NLRP7: variants seen among roughly 807,000 people sequenced by gnomAD.
The protein encoded by NLRP7 is NLR family pyrin domain containing 7.
NLRP7 carries 72 observed loss-of-function variants against 85.5 expected under a neutral mutation model. That is an observed-to-expected ratio of 0.84 (90% CI 0.70 to 1.02). The LOEUF is 1.02. Ranked by LOEUF, NLRP7 falls within the 50% of genes least tolerant of loss-of-function variation. NLRP7 has a pLI of 0.00. For missense variants in NLRP7, 1,243 were observed against 1,219.5 expected, an observed-to-expected ratio of 1.02 and a Z score of -0.29; for synonymous variants, 550 against 505.2, an observed-to-expected ratio of 1.09 and a Z score of -1.19.
exon 4 of NLRP7, chr19:54,939,128 G>C (rs1304822443): frequency 6.2e-7 from 1 of 1,614,216 alleles, no homozygotes; most frequent in East Asian, 2.2e-5. Flanking sequence ...GTCGGTCACG[G>C]ATAAGGGCTT....
At chr19:54,941,789 T>A (rs886809127) in intron 1 of NLRP7, 39 bp from the exon 2 acceptor site, 5 of 1,462,438 alleles carry the variant, frequency 3.4e-6, no homozygotes, top group Non-Finnish European at 4.6e-6. Flanking sequence ...CGAGTTACCA[T>A]CATTAAATGA....
rs914706251 is a variant in NLRP7, at chr19:54,934,118, T to G, written c.2471+371A>C. ...ACCACACCTGGATAATTTTTTGTATTTTTTAGTAGAGACGGGGTTTCACCA... is the reference window on the plus strand; with the variant it reads ...ACCACACCTGGATAATTTTTTGTATGTTTTAGTAGAGACGGGGTTTCACCA... On this transcript the variant is annotated intron_variant, in intron 7 of 9. Transcript: ENST00000340844. The surrounding 1 kb of genome is among the most constrained non-coding windows in gnomAD (Gnocchi z 6.7). Among the ~76,000 whole-genome samples, 1 of 152,132 alleles carries G rather than the reference T, an allele frequency of 6.6e-6. No individual in the cohort carries two copies. The highest frequency in any genetic ancestry group is 1.5e-5 in the Non-Finnish European group (1 of 68,014).
chr19:54,934,707 C>A lies in NLRP7; in HGVS notation c.2301-48G>T, dbSNP rs372523668. 5 of 1,484,040 alleles carry A rather than the reference C, an allele frequency of 3.4e-6. No individual in the cohort carries two copies. Among genetic ancestry groups the A allele is most frequent in the African/African-American group, 1.4e-5 (1 of 70,544 alleles). 91.9% of individuals were successfully genotyped at this position (1,484,040 alleles called of 1,614,324 possible). On this transcript the variant is annotated intron_variant, in intron 6 of 9. Transcript: ENST00000340844. The surrounding 1 kb of genome is among the most constrained non-coding windows in gnomAD (Gnocchi z 6.7). ...CATTCTTCTGGGAGGACAGAGTATA[C>A]CCTATCAGCTTTTTTTTTTTGAGAC...
chr19:54,953,556 G>T (rs922236909), intron 1 of NLRP7, among the ~76,000 whole-genome samples: 2 of 149,134 alleles, frequency 1.3e-5, no homozygotes, highest in Non-Finnish European at 2.9e-5. Context: ...TTCCTGGGCC[G>T]CGGGGCTGTC....
intron 7 of NLRP7, among the ~76,000 whole-genome samples, chr19:54,933,946 A>G (rs1011998780): frequency 5.9e-5 from 9 of 152,106 alleles, no homozygotes; most frequent in African/African-American, 2.2e-4. Flanking sequence ...ATCACAGGAC[A>G]CAGGTGTTGT....
chr19:54,962,680 A>G lies in NLRP7; in HGVS notation c.-77+3360T>C, dbSNP rs1027376502. On this transcript the variant is annotated intron_variant, in intron 1 of 2. Transcript: ENST00000587103. ...AGTGGCGCGATCTCAGCTCACTGCA[A>G]GCTCCGCCTCCCGGGTTCACGCCAT... is the stretch of plus-strand genomic sequence containing the variant. Among the ~76,000 whole-genome samples the G allele has an allele frequency of 3.3e-5, 5 of 151,040 alleles. 1 individual carries two copies.
chr19:54,953,729 G>A (rs1205498457), intron 1 of NLRP7, among the ~76,000 whole-genome samples: 1 of 151,962 alleles, frequency 6.6e-6, no homozygotes, highest in Non-Finnish European at 1.5e-5. Flanking sequence ...CAGGCCGGGC[G>A]CGGTGGCTCA....
At chr19:54,956,557 G>A (rs1020013571) in intron 1 of NLRP7, among the ~76,000 whole-genome samples, 3 of 151,674 alleles carry the variant, frequency 2.0e-5, no homozygotes, top group East Asian at 2.0e-4. Flanking sequence ...AGCTGGGCGC[G>A]GTGGCAGGTG....
At chr19:54,963,105 T>G (rs969806944) in intron 1 of NLRP7, among the ~76,000 whole-genome samples, 7 of 151,804 alleles carry the variant, frequency 4.6e-5, no homozygotes, top group Admixed American at 2.0e-4. Context: ...ACTTAATAAG[T>G]AAACACAGGG....
At chr19:54,942,442 G>A (rs1028203976) in intron 1 of NLRP7, among the ~76,000 whole-genome samples, 2 of 151,200 alleles carry the variant, frequency 1.3e-5, no homozygotes, top group Middle Eastern at 3.2e-3. Context: ...CAGCAAACAC[G>A]GCAGGGCGCG....
At chr19:54,943,828 ATTC>A (rs35256292) in intron 1 of NLRP7, among the ~76,000 whole-genome samples, 3,940 of 152,170 alleles carry the variant, frequency 0.026, 81 homozygotes, top group East Asian at 0.087. Flanking sequence ...ACTAAGAAAA[ATTC>A]TTCTGCCTTG....
intron 1 of NLRP7, among the ~76,000 whole-genome samples, chr19:54,957,937 C>T (rs1484267784): frequency 2.0e-5 from 3 of 151,914 alleles, no homozygotes; most frequent in East Asian, 3.9e-4. Context: ...GGGAGGGGGC[C>T]GGGCACGGTG....
chr19:54,937,601 A>G (rs2146206757), intron 5 of NLRP7, among the ~76,000 whole-genome samples: 1 of 152,026 alleles, frequency 6.6e-6, no homozygotes, highest in East Asian at 1.9e-4. Flanking sequence ...CAGAAAAAAT[A>G]AAAAATAAAA....
chr19:54,924,881 G>C (rs1288863937), intron 9 of NLRP7, among the ~76,000 whole-genome samples: 1 of 152,150 alleles, frequency 6.6e-6, no homozygotes, highest in East Asian at 1.9e-4. Flanking sequence ...ATGTTGCAGT[G>C]AGCCAATACC....
At position 54,941,013 on chromosome 19, in the gene NLRP7, A is replaced by G; in HGVS notation, c.278-8T>C. On this transcript the variant is annotated splice_polypyrimidine_tract_variant and splice_region_variant and intron_variant, in intron 2 of 9. Coordinates refer to ENST00000340844, the Ensembl canonical transcript of NLRP7. ...CTTGCACCTGTCCGTCCTCTGTAAA[A>G]TACTTAGATGTAAGCCTGACACAGT... 1 of 1,585,860 alleles carries G rather than the reference A, an allele frequency of 6.3e-7. No individual in the cohort carries two copies. Among genetic ancestry groups the G allele is most frequent in the Non-Finnish European group, 8.7e-7 (1 of 1,154,404 alleles).
At position 54,932,426 on chromosome 19, in the gene NLRP7, C is replaced by CA. The variant is rs71960636; in HGVS notation, c.2642+1142dup. Among the ~76,000 whole-genome samples the CA allele has an allele frequency of 7.2e-3, 1,016 of 141,086 alleles. 8 individuals carry two copies. The highest frequency in any genetic ancestry group is 0.02 in the African/African-American group (751 of 38,512). 92.6% of individuals were successfully genotyped at this position (141,086 alleles called of 152,430 possible). A position where few individuals can be genotyped will look rare whatever the true frequency, so the allele number is the denominator to read the frequency against. On this transcript the variant is annotated intron_variant, in intron 8 of 9. Coordinates refer to ENST00000340844, the Ensembl canonical transcript of NLRP7. ...CTGGGCGACAGAGTGAGACTTCATC[C>CA]AAAAAAAAAAAAATGAATCTCAGAA...
At chr19:54,952,885 C>A (rs1170633595) in intron 1 of NLRP7, among the ~76,000 whole-genome samples, 1 of 151,916 alleles carries the variant, frequency 6.6e-6, no homozygotes, top group Non-Finnish European at 1.5e-5. Flanking sequence ...GGCACGGTGG[C>A]CCAGCACTTT....
chr19:54,939,708 T>G (rs748263335), exon 4 of NLRP7: 1 of 1,613,416 alleles, frequency 6.2e-7, no homozygotes, highest in South Asian at 1.1e-5. Context: ...TTCAGAGTCG[T>G]GCACACAATC....
Position 54,962,258 on chromosome 19 carries a change from C to T in NLRP7, c.-77+3782G>A, listed in dbSNP as rs907713635. ...TTTTCATTCATCCTTCCTATTCCCT[C>T]CATCCCTCAATTTTTTTTTTTTTTT... On this transcript the variant is annotated intron_variant, in intron 1 of 2. Transcript: ENST00000587103. Among the ~76,000 whole-genome samples, 8 of 148,884 alleles carry T rather than the reference C, an allele frequency of 5.4e-5. No homozygotes were observed. In the East Asian group the frequency reaches 1.4e-3, roughly 26 times the overall value.
Sources: allele counts gnomAD v4.1 joint callset (sites outside exome capture counted in the v4.1 genomes callset), GRCh38; gene constraint gnomAD v4.1.1; non-coding constraint Gnocchi (gnomAD v3.1); transcripts MANE v1.5; gene names NCBI Gene and HGNC (gene_info 2026-07-23, HGNC 2026-07-21).